Variants in ADAM12 observed in about 807,000 individuals in gnomAD.
ADAM12 encodes the protein disintegrin and metalloproteinase domain-containing protein 12.
A neutral mutation model predicts 106.4 loss-of-function variants in ADAM12; 70 were observed. The ratio of observed to expected loss-of-function variants is 0.66; its 90% CI spans 0.54 to 0.80. The LOEUF (loss-of-function observed/expected upper bound fraction) is 0.80, where lower values mean the gene tolerates loss of function less well. Among genes scored for constraint, ADAM12 ranks in the 30% least tolerant of loss-of-function variants. The pLI, the probability that ADAM12 is intolerant of heterozygous loss-of-function variation, is 0.00. For missense variants in ADAM12, 1,010 were observed against 1,171.9 expected, an observed-to-expected ratio of 0.86 and a Z score of 2.02; for synonymous variants, 420 against 433.5, an observed-to-expected ratio of 0.97 and a Z score of 0.39.
At chr10:126,244,490 G>A (rs1395016167) in intron 3 of ADAM12, among the ~76,000 whole-genome samples, 1 of 152,214 alleles carries the variant, frequency 6.6e-6, no homozygotes, top group African/African-American at 2.4e-5. Flanking sequence ...CTGACTGACT[G>A]ACTGACTGTT....
intron 3 of ADAM12, 23 bp downstream of exon 3, chr10:126,278,892 G>A (rs768619926): frequency 1.9e-6 from 3 of 1,561,194 alleles, no homozygotes; most frequent in Non-Finnish European, 2.6e-6. Context: ...CTCCTATCAT[G>A]CAATAAACAA....
intron 3 of ADAM12, among the ~76,000 whole-genome samples, chr10:126,243,179 G>T (rs1958561641): frequency 6.6e-6 from 1 of 152,238 alleles, no homozygotes; most frequent in Non-Finnish European, 1.5e-5. Flanking sequence ...CAGCATGGAG[G>T]CCGCCCTGGC....
chr10:126,206,443 G>A (rs1957795847), intron 3 of ADAM12, among the ~76,000 whole-genome samples: 1 of 152,160 alleles, frequency 6.6e-6, no homozygotes, highest in Non-Finnish European at 1.5e-5. Context: ...TGAAAGAGGT[G>A]ACTCCTCGGC....
At chr10:126,240,712 T>C (rs900491519) in intron 3 of ADAM12, among the ~76,000 whole-genome samples, 3 of 152,130 alleles carry the variant, frequency 2.0e-5, no homozygotes, top group Non-Finnish European at 4.4e-5. Context: ...TGCTTGAGAA[T>C]TGAACAAACA....
chr10:126,298,892 G>T lies in ADAM12; in HGVS notation c.187-19904C>A, dbSNP rs982652033. Among the ~76,000 whole-genome samples, 19 of 152,182 alleles carry T rather than the reference G, an allele frequency of 1.2e-4. 1 individual carries two copies. Among genetic ancestry groups the T allele is most frequent in the Admixed American group, 3.9e-4 (6 of 15,274 alleles). On this transcript the variant is annotated intron_variant, in intron 2 of 22. Coordinates refer to ENST00000448723, the MANE Select transcript of ADAM12 (RefSeq NM_001288973.2). ...GTTCTGTATGATTAAAATTGAAAATGAAATATCCTTTAAAAAATGAAATAT... is the reference window on the plus strand; with the variant it reads ...GTTCTGTATGATTAAAATTGAAAATTAAATATCCTTTAAAAAATGAAATAT...
At chr10:126,213,788 G>A (rs1957941188) in intron 3 of ADAM12, among the ~76,000 whole-genome samples, 1 of 152,208 alleles carries the variant, frequency 6.6e-6, no homozygotes, top group Admixed American at 6.5e-5. Flanking sequence ...CAATGTCCTT[G>A]AAAATTTCCC....
chr10:126,286,415 A>G (rs1030065645), intron 2 of ADAM12, among the ~76,000 whole-genome samples: 1 of 152,176 alleles, frequency 6.6e-6, no homozygotes, highest in Admixed American at 6.5e-5. Flanking sequence ...CATCTCAACC[A>G]TCAATACTGG....
intron 1 of ADAM12, among the ~76,000 whole-genome samples, chr10:126,355,339 A>G (rs1466954073): frequency 2.0e-5 from 3 of 152,222 alleles, no homozygotes; most frequent in East Asian, 1.9e-4. Context: ...GGTCTAAACA[A>G]GGGGAAAGAT....
rs147638963 is a variant in ADAM12, at chr10:126,033,998, T to G, written c.2529+2148A>C. Among the ~76,000 whole-genome samples the G allele has an allele frequency of 8.1e-3, 1,240 of 152,324 alleles. 21 individuals carry two copies. The highest frequency in any genetic ancestry group is 0.029 in the African/African-American group (1,204 of 41,574). On this transcript the variant is annotated intron_variant, in intron 21 of 22. Coordinates refer to ENST00000448723, the MANE Select transcript of ADAM12 (RefSeq NM_001288973.2). ...AGAAAATAATAAGCAAAGTTAAGTTTTAAAGATTATGTTTGGCTGAAAGCA... is the reference window on the plus strand; with the variant it reads ...AGAAAATAATAAGCAAAGTTAAGTTGTAAAGATTATGTTTGGCTGAAAGCA...
In ADAM12 at chr10:126,312,049, G is replaced by A. The variant is rs564930544; in HGVS notation, c.186+18363C>T. Among the ~76,000 whole-genome samples the A allele has an allele frequency of 2.0e-5, 3 of 150,506 alleles. No individual in the cohort carries two copies. In the Admixed American group the frequency reaches 2.0e-4, roughly 10 times the overall value. On this transcript the variant is annotated intron_variant, in intron 2 of 22. Coordinates refer to ENST00000448723, the MANE Select transcript of ADAM12 (RefSeq NM_001288973.2). ...ATGGAACCCTTTGCCTGTGGGGTCG[G>A]TGCTAACTCCAGGTAGTCAGCATCA... is the stretch of plus-strand genomic sequence containing the variant.
intron 3 of ADAM12, among the ~76,000 whole-genome samples, chr10:126,219,924 A>G (rs1958057339): frequency 6.6e-6 from 1 of 152,246 alleles, no homozygotes; most frequent in African/African-American, 2.4e-5. Flanking sequence ...TATTTGTCCA[A>G]ACAAGGCCAC....
chr10:126,048,884 A>G (rs1954397608), intron 16 of ADAM12, among the ~76,000 whole-genome samples: 1 of 152,128 alleles, frequency 6.6e-6, no homozygotes. Context: ...CTGATTTCCC[A>G]TTCTGTTCAG....
At chr10:126,190,211 T>G (rs1328061440) in intron 3 of ADAM12, among the ~76,000 whole-genome samples, 1 of 143,416 alleles carries the variant, frequency 7.0e-6, no homozygotes, top group East Asian at 2.1e-4. Flanking sequence ...TTTTTTTTTC[T>G]TTTTTTTTTA....
At chr10:126,263,608 T>C (rs55920634) in intron 3 of ADAM12, among the ~76,000 whole-genome samples, 11,893 of 151,704 alleles carry the variant, frequency 0.078, 577 homozygotes, top group Admixed American at 0.13. Flanking sequence ...AGTTTGTTGG[T>C]GGGCGGGGAG....
At chr10:126,202,083 T>C (rs1957712557) in intron 3 of ADAM12, among the ~76,000 whole-genome samples, 1 of 152,238 alleles carries the variant, frequency 6.6e-6, no homozygotes, top group African/African-American at 2.4e-5. Context: ...CATTCACTCT[T>C]GTCTTAATGC....
intron 21 of ADAM12, among the ~76,000 whole-genome samples, chr10:126,033,808 GAAC>G (rs1954011090): frequency 6.6e-6 from 1 of 152,284 alleles, no homozygotes; most frequent in East Asian, 1.9e-4. Flanking sequence ...GAAGGAAGGG[GAAC>G]AACATTTTTA....
intron 3 of ADAM12, among the ~76,000 whole-genome samples, chr10:126,183,998 T>G (rs1043448795): frequency 6.6e-6 from 1 of 152,248 alleles, no homozygotes; most frequent in Non-Finnish European, 1.5e-5. Flanking sequence ...GATCCTTATA[T>G]TTTACTTGAT....
intron 12 of ADAM12, among the ~76,000 whole-genome samples, chr10:126,070,858 A>T (rs1183613284): frequency 1.3e-5 from 2 of 152,226 alleles, no homozygotes; most frequent in African/African-American, 4.8e-5. Context: ...TATAATTTTT[A>T]TAGTGATTAT....
intron 6 of ADAM12, among the ~76,000 whole-genome samples, chr10:126,115,448 GCTGACTGTGACGCTCCCTGTTTCT>G (rs1159649047): frequency 6.6e-6 from 1 of 152,168 alleles, no homozygotes; most frequent in Non-Finnish European, 1.5e-5. Context: ...GAGAGAACGA[GCTGACTGTGACGCTCCCTGTTTCT>G]CTGTGCCCTT....
Sources: gnomAD v4.1 joint callset for allele counts (sites outside exome capture counted in the v4.1 genomes callset) on GRCh38, gnomAD v4.1.1 for gene constraint, MANE v1.5 for transcripts, NCBI Gene and HGNC (gene_info 2026-07-23, HGNC 2026-07-21) for gene names.